The following NEMP2 variants were observed in gnomAD, a reference collection of about 807,000 sequenced individuals.
The protein encoded by NEMP2 is UPF0571 transmembrane protein.
A neutral mutation model predicts 54.2 loss-of-function variants in NEMP2; 53 were observed. The observed-to-expected ratio is 0.98, with a 90% confidence interval of 0.78 to 1.23. NEMP2 has a LOEUF of 1.23. Ranked by LOEUF, NEMP2 falls within the 50% of genes most tolerant of loss-of-function variation. NEMP2 has a pLI of 0.00. For synonymous variants in NEMP2, 197 were observed against 190.3 expected (o/e 1.04, Z -0.29); for missense variants, 455 against 511.3 (o/e 0.89, Z 1.06).
chr2:190,628,622 G>C, the NEMP2 span: 9 of 152,266 alleles, frequency 5.9e-5, no homozygotes, highest in African/African-American at 2.2e-4. The surrounding 1 kb of genome is among the most constrained non-coding windows in gnomAD (Gnocchi z 4.1). Context: ...TCTCTCTCCT[G>C]GTTTCTCCAA....
the NEMP2 span, among the ~76,000 whole-genome samples, chr2:190,549,624 T>C: frequency 2.0e-5 from 3 of 152,182 alleles, no homozygotes; most frequent in East Asian, 5.8e-4. Flanking sequence ...ATAGCAATTA[T>C]TACTTTTTTT....
downstream of NEMP2, chr2:190,499,823 C>T (rs1278282557): frequency 3.9e-6 from 6 of 1,538,638 alleles, no homozygotes; most frequent in Non-Finnish European, 5.3e-6. The surrounding 1 kb of genome is among the most constrained non-coding windows in gnomAD (Gnocchi z 6.0). Flanking sequence ...TTTCATGCGG[C>T]TCTGGCAGTT....
the NEMP2 span, among the ~76,000 whole-genome samples, chr2:190,576,632 C>CG: frequency 6.2e-3 from 369 of 59,106 alleles, no homozygotes; most frequent in African/African-American, 9.9e-3. Context: ...CGGGGTGGGG[C>CG]GGGGGGGGAT....
chr2:190,450,278 A>G, the NEMP2 span, among the ~76,000 whole-genome samples: 1 of 152,118 alleles, frequency 6.6e-6, no homozygotes, highest in Non-Finnish European at 1.5e-5. Context: ...TTTGAAGGAT[A>G]GTCTGGAAGA....
At chr2:190,586,764 A>G in the NEMP2 span, among the ~76,000 whole-genome samples, 1 of 152,200 alleles carries the variant, frequency 6.6e-6, no homozygotes, top group African/African-American at 2.4e-5. The surrounding 1 kb of genome is among the most constrained non-coding windows in gnomAD (Gnocchi z 4.5). Flanking sequence ...AAATTTTATT[A>G]GAAAAAATTT....
At chr2:190,606,582 C>A in the NEMP2 span, among the ~76,000 whole-genome samples, 204 of 152,180 alleles carry the variant, frequency 1.3e-3, 1 homozygote, top group Admixed American at 4.2e-3. Context: ...TGTGGTGGGG[C>A]AGGACTGTAA....
At chr2:190,536,556 G>T (rs1285561707), upstream of NEMP2, among the ~76,000 whole-genome samples, 1 of 152,164 alleles carries the variant, frequency 6.6e-6, no homozygotes, top group African/African-American at 2.4e-5. Flanking sequence ...CACAGGGCCT[G>T]CCTAAAACCA....
At chr2:190,607,981 G>A in the NEMP2 span, 1 of 152,162 alleles carries the variant, frequency 6.6e-6, no homozygotes, top group East Asian at 1.9e-4. This position sits in a 1 kb window ranked among gnomAD's most constrained non-coding sequence, Gnocchi z 5.2. Context: ...AGTTATCTAT[G>A]GTAAACTGCA....
At chr2:190,484,449 C>T in the NEMP2 span, among the ~76,000 whole-genome samples, 2 of 152,064 alleles carry the variant, frequency 1.3e-5, no homozygotes, top group African/African-American at 4.8e-5. Flanking sequence ...TCTTTTGTCC[C>T]CTCTACTTTA....
At chr2:190,487,784 G>A in the NEMP2 span, among the ~76,000 whole-genome samples, 1 of 152,314 alleles carries the variant, frequency 6.6e-6, no homozygotes, top group African/African-American at 2.4e-5. This position sits in a 1 kb window ranked among gnomAD's most constrained non-coding sequence, Gnocchi z 5.5. Flanking sequence ...CTCTCATACA[G>A]TTCAGGTGGG....
intron 6 of NEMP2, among the ~76,000 whole-genome samples, chr2:190,515,396 A>G (rs993922597): frequency 6.6e-6 from 1 of 152,260 alleles, no homozygotes; most frequent in Non-Finnish European, 1.5e-5. Context: ...AAAGCAATTT[A>G]CAGGACAAAA....
chr2:190,504,462 C>T lies in NEMP2; in HGVS notation c.*4727G>A, dbSNP rs1690140954. ...TGTACAGTAAGGCATTCAATTCCAA[C>T]ATGCATTGTAAACATTAAGTGGTTG... is the stretch of plus-strand genomic sequence containing the variant. On this transcript the variant is annotated 3_prime_UTR_variant, in exon 9 of 9. Coordinates refer to ENST00000409150, the MANE Select transcript of NEMP2 (RefSeq NM_001142645.2). The surrounding 1 kb of genome is among the most constrained non-coding windows in gnomAD (Gnocchi z 5.6). 1 of 151,998 alleles carries T rather than the reference C, an allele frequency of 6.6e-6. No homozygotes were observed. The highest frequency in any genetic ancestry group is 1.5e-5 in the Non-Finnish European group (1 of 68,032). 9.4% of individuals were successfully genotyped at this position (151,998 alleles called of 1,614,324 possible).
chr2:190,446,773 A>T, the NEMP2 span, among the ~76,000 whole-genome samples: 4 of 152,204 alleles, frequency 2.6e-5, no homozygotes, highest in Non-Finnish European at 5.9e-5. Context: ...ACAAGAGATG[A>T]ATACTCGGTT....
At position 190,505,014 on chromosome 2, in the gene NEMP2, T is replaced by G. The variant is rs1463416205; in HGVS notation, c.*4175A>C. On this transcript the variant is annotated 3_prime_UTR_variant, in exon 9 of 9. Transcript: ENST00000409150. The surrounding 1 kb of genome is among the most constrained non-coding windows in gnomAD (Gnocchi z 5.8). ...AATTTAGTGTATCTTACAAAAGTAT[T>G]ACTAGTGATGAACTAGAGGGAAACT... 6.6e-6 allele frequency: 1 copy of G among 152,236 alleles called. No homozygotes were observed. The highest frequency in any genetic ancestry group is 1.5e-5 in the Non-Finnish European group (1 of 68,040). 9.4% of individuals were successfully genotyped at this position (152,236 alleles called of 1,614,324 possible).
the NEMP2 span, among the ~76,000 whole-genome samples, chr2:190,496,975 G>T: frequency 8.5e-5 from 13 of 152,304 alleles, no homozygotes; most frequent in Non-Finnish European, 1.8e-4. The surrounding 1 kb of genome is among the most constrained non-coding windows in gnomAD (Gnocchi z 4.7). Context: ...CTGCTTGGGT[G>T]ATGGTTGCAC....
At chr2:190,581,501 T>C in the NEMP2 span, among the ~76,000 whole-genome samples, 1 of 152,218 alleles carries the variant, frequency 6.6e-6, no homozygotes, top group African/African-American at 2.4e-5. Context: ...TATGCTGTGA[T>C]GTCTCTGTTA....
At chr2:190,454,176 G>A in the NEMP2 span, 1 of 152,132 alleles carries the variant, frequency 6.6e-6, no homozygotes, top group Non-Finnish European at 1.5e-5. The surrounding 1 kb of genome is among the most constrained non-coding windows in gnomAD (Gnocchi z 4.6). Context: ...CTTAATGAGA[G>A]CCTGATACCC....
chr2:190,444,825 C>T, the NEMP2 span: 43 of 722,924 alleles, frequency 5.9e-5, 2 homozygotes, highest in South Asian at 2.5e-3. Flanking sequence ...ACAAGTGTTT[C>T]ATAAAGATAA....
the NEMP2 span, among the ~76,000 whole-genome samples, chr2:190,641,905 C>A: frequency 6.6e-6 from 1 of 152,186 alleles, no homozygotes; most frequent in Admixed American, 6.5e-5. Context: ...AAAAATTTCC[C>A]GAAATTCTCT....
Sources: gnomAD v4.1 joint callset for allele counts (sites outside exome capture counted in the v4.1 genomes callset) on GRCh38, gnomAD v4.1.1 for gene constraint, Gnocchi (gnomAD v3.1) non-coding constraint, MANE v1.5 for transcripts, NCBI Gene and HGNC (gene_info 2026-07-23, HGNC 2026-07-21) for gene names.